TBL1X: variants seen among roughly 807,000 people sequenced by gnomAD.
TBL1X encodes the protein transducin beta like 1 X-linked, also known as F-box-like/WD repeat-containing protein TBL1X.
TBL1X carries 10 observed loss-of-function variants against 50.7 expected under a neutral mutation model. The ratio of observed to expected loss-of-function variants is 0.20; its 90% CI spans 0.12 to 0.33. The LOEUF is 0.33. TBL1X is among the 10% of genes least tolerant of loss of function. The probability of loss-of-function intolerance (pLI) is 1.00; values close to 1 mark genes in which losing one functional copy is unlikely to be tolerated. For missense variants in TBL1X, 340 were observed against 504.4 expected (o/e 0.67, Z 3.12); for synonymous variants, 190 against 214.7 (o/e 0.88, Z 1.01).
intron 2 of TBL1X, among the ~76,000 whole-genome samples, chrX:9,579,767 C>T (rs756864505): frequency 6.3e-5 from 7 of 110,930 alleles, no homozygotes; most frequent in Non-Finnish European, 1.3e-4. Flanking sequence ...CCCCTTGACA[C>T]ACTACCTTTT....
intron 2 of TBL1X, among the ~76,000 whole-genome samples, chrX:9,566,321 A>G (rs150881667): frequency 6.8e-4 from 76 of 112,120 alleles, no homozygotes; most frequent in African/African-American, 2.4e-3. Flanking sequence ...AATTACCTGT[A>G]AGAACCACTT....
At chrX:9,596,350 GA>G (rs1288435307) in intron 2 of TBL1X, among the ~76,000 whole-genome samples, 1 of 112,201 alleles carries the variant, frequency 8.9e-6, no homozygotes, top group East Asian at 2.8e-4. Flanking sequence ...GCTATCCATA[GA>G]AAACAAGGGG....
intron 2 of TBL1X, among the ~76,000 whole-genome samples, chrX:9,576,321 A>G (rs1002005389): frequency 1.8e-5 from 2 of 112,576 alleles, no homozygotes; most frequent in African/African-American, 6.5e-5. Flanking sequence ...TGCAGGCAGC[A>G]TAACATCTAG....
intron 2 of TBL1X, among the ~76,000 whole-genome samples, chrX:9,593,839 A>C (rs56726218): frequency 0.018 from 1,946 of 110,511 alleles, 13 homozygotes; most frequent in Middle Eastern, 0.061. Context: ...GCCTACCTGG[A>C]TCTCCTCTCC....
intron 2 of TBL1X, among the ~76,000 whole-genome samples, chrX:9,619,924 C>T (rs1031153199): frequency 2.7e-5 from 3 of 112,535 alleles, no homozygotes; most frequent in African/African-American, 9.7e-5. Flanking sequence ...AACAGGCAGA[C>T]GCCTTTACAA....
intron 2 of TBL1X, among the ~76,000 whole-genome samples, chrX:9,635,965 A>G (rs1204949126): frequency 1.8e-5 from 2 of 112,623 alleles, no homozygotes; most frequent in South Asian, 3.7e-4. Flanking sequence ...GCAGTAGCAT[A>G]GTATTCAGCC....
At chrX:9,473,859 A>G (rs183670930) in intron 1 of TBL1X, among the ~76,000 whole-genome samples, 5 of 112,773 alleles carry the variant, frequency 4.4e-5, no homozygotes, top group African/African-American at 1.6e-4. Context: ...ATAAGAATGA[A>G]TAATCTTCCC....
chrX:9,569,623 G>A (rs189112047), intron 2 of TBL1X, among the ~76,000 whole-genome samples: 1 of 111,754 alleles, frequency 8.9e-6, no homozygotes, highest in Non-Finnish European at 1.9e-5. Flanking sequence ...CTGTGATCGC[G>A]CCACTGCACT....
chrX:9,478,804 TTCTAGATCTTTTAAAAA>T (rs1034760816), intron 1 of TBL1X, among the ~76,000 whole-genome samples: 2 of 112,225 alleles, frequency 1.8e-5, no homozygotes, highest in Admixed American at 9.4e-5. Context: ...TTTGGGGAGA[TTCTAGATCTTTTAAAAA>T]TTCCTTACCA....
chrX:9,622,090 A>T (rs1569078066), intron 2 of TBL1X, among the ~76,000 whole-genome samples: 1 of 105,040 alleles, frequency 9.5e-6, no homozygotes, highest in East Asian at 2.9e-4. Context: ...GATATTTCTG[A>T]TTTTTTTTTT....
chrX:9,543,734 G>A (rs1464288064), intron 2 of TBL1X, among the ~76,000 whole-genome samples: 2 of 112,110 alleles, frequency 1.8e-5, no homozygotes, highest in African/African-American at 6.5e-5. Context: ...TTTGTGCCAA[G>A]TATCGGGACA....
At chrX:9,672,275 G>A (rs2082964598) in intron 5 of TBL1X, among the ~76,000 whole-genome samples, 1 of 112,103 alleles carries the variant, frequency 8.9e-6, no homozygotes, top group Non-Finnish European at 1.9e-5. Context: ...CACTCACCAA[G>A]GTGCCTGTCT....
At chrX:9,547,815 G>C (rs973318308) in intron 2 of TBL1X, among the ~76,000 whole-genome samples, 1 of 104,188 alleles carries the variant, frequency 9.6e-6, no homozygotes, top group Non-Finnish European at 2.0e-5. Flanking sequence ...CTTGGGTGCA[G>C]AGACCCAGGG....
At chrX:9,607,153 G>A (rs1478131213) in intron 2 of TBL1X, among the ~76,000 whole-genome samples, 2 of 112,054 alleles carry the variant, frequency 1.8e-5, no homozygotes, top group African/African-American at 6.5e-5. Flanking sequence ...CAGGCCCTGG[G>A]CCCTGAAGTC....
intron 2 of TBL1X, among the ~76,000 whole-genome samples, chrX:9,503,534 C>T (rs1890990957): frequency 8.8e-6 from 1 of 113,277 alleles, no homozygotes; most frequent in Non-Finnish European, 1.9e-5. Flanking sequence ...GCTCCCTGGA[C>T]AGGGGGAAGG....
intron 1 of TBL1X, among the ~76,000 whole-genome samples, chrX:9,500,799 G>T (rs771228564): frequency 8.9e-6 from 1 of 111,833 alleles, no homozygotes; most frequent in Admixed American, 9.5e-5. Context: ...GGGAAGGTGG[G>T]GGATTTCTGT....
chrX:9,697,873 C>T (rs1396796276), intron 12 of TBL1X, among the ~76,000 whole-genome samples: 2 of 112,013 alleles, frequency 1.8e-5, no homozygotes, highest in Non-Finnish European at 3.8e-5. Context: ...CACTTGAGCC[C>T]AGGGGTTCTA....
chrX:9,540,218 T>C (rs1407562248), intron 2 of TBL1X, among the ~76,000 whole-genome samples: 1 of 112,290 alleles, frequency 8.9e-6, no homozygotes. Context: ...GAGGGTTTAG[T>C]GTACTAGTTG....
At chrX:9,551,940 G>A (rs992747697) in intron 2 of TBL1X, among the ~76,000 whole-genome samples, 11 of 111,966 alleles carry the variant, frequency 9.8e-5, no homozygotes, top group African/African-American at 3.6e-4. Context: ...TGCAGGTGGT[G>A]CTGAGCTGAC....
Sources: gnomAD v4.1 joint callset for allele counts (sites outside exome capture counted in the v4.1 genomes callset) on GRCh38, gnomAD v4.1.1 for gene constraint, MANE v1.5 for transcripts, NCBI Gene and HGNC (gene_info 2026-07-23, HGNC 2026-07-21) for gene names.